The following MGP variants were observed in gnomAD, a reference collection of about 807,000 sequenced individuals.
MGP encodes matrix Gla protein, also known as cell growth-inhibiting gene 36 protein.
A neutral mutation model predicts 14.5 loss-of-function variants in MGP; 13 were observed. The observed-to-expected ratio is 0.89, with a 90% CI of 0.58 to 1.42. The LOEUF (loss-of-function observed/expected upper bound fraction) is 1.42. Ranked by LOEUF, MGP falls within the 40% of genes most tolerant of loss-of-function variation. The pLI is 0.00. For missense variants in MGP, 128 were observed against 133.7 expected (o/e 0.96, Z 0.21); for synonymous variants, 44 against 46.3 (o/e 0.95, Z 0.20).
intron 1 of MGP, chr12:14,884,859 G>T (rs992733055): frequency 1.3e-6 from 2 of 1,535,168 alleles, no homozygotes; most frequent in African/African-American, 2.7e-5. Context: ...CGATATCAAA[G>T]CCGAAGTTTT....
chr12:14,882,021 A>AT lies in MGP; in HGVS notation c.*117dup. 1 of 1,317,598 alleles carries AT rather than the reference A, an allele frequency of 7.6e-7. No individual in the cohort carries two copies. The highest frequency in any genetic ancestry group is 1.5e-5 in the African/African-American group (1 of 68,602). The allele number at this position is 1,317,598 out of a possible 1,614,324, so 81.6% of individuals were successfully genotyped here. A position where few individuals can be genotyped will look rare whatever the true frequency, so the allele number is the denominator to read the frequency against. ...AAAAGGGGTGCAGCCAGACAAGAGAATATACAGGAAAGAAGCATTGTATAT... is the reference window on the plus strand; with the variant it reads ...AAAAGGGGTGCAGCCAGACAAGAGAATTATACAGGAAAGAAGCATTGTATAT... On this transcript the variant is annotated 3_prime_UTR_variant, in exon 4 of 4. Transcript: ENST00000539261.
chr12:14,884,821 C>T (rs1393522514), intron 1 of MGP: 9 of 1,533,680 alleles, frequency 5.9e-6, no homozygotes, highest in South Asian at 1.2e-5. Context: ...ACCCTGGGCA[C>T]GATGCCAGTT....
At chr12:14,885,560 CTT>C (rs1027557065) in intron 1 of MGP, among the ~76,000 whole-genome samples, 169 bp downstream of exon 1, 57 of 152,176 alleles carry the variant, frequency 3.7e-4, no homozygotes, top group African/African-American at 1.3e-3. Flanking sequence ...ATAAAAAAGA[CTT>C]AATAGAACAG....
chr12:14,883,100 T>A (rs1490191269), intron 2 of MGP, 53 bp from the exon 3 acceptor site: 5 of 1,324,766 alleles, frequency 3.8e-6, no homozygotes, highest in Admixed American at 1.7e-5. Context: ...GCTGGAAATA[T>A]TTCCGTGAAT....
intron 2 of MGP, chr12:14,883,390 A>C: frequency 2.9e-6 from 1 of 341,884 alleles, no homozygotes; most frequent in Non-Finnish European, 5.7e-6. Flanking sequence ...ATGAAGCATA[A>C]CTAGATTGCC....
In MGP at chr12:14,885,090, A is replaced by G. The variant is rs551409443; in HGVS notation, c.61+641T>C. 7.9e-5 allele frequency among the ~76,000 whole-genome samples: 12 copies of G among 152,378 alleles called. 1 individual carries two copies. In the South Asian group the frequency reaches 2.5e-3, roughly 32 times the overall value. ...AACAATGAAAATATCTAGGTAATTG[A>G]AACAAAAGACTGAAATAAGTAAATA... is the stretch of plus-strand genomic sequence containing the variant. On this transcript the variant is annotated intron_variant, in intron 1 of 3. Coordinates refer to ENST00000539261, the MANE Select transcript of MGP (RefSeq NM_000900.5).
intron 1 of MGP, among the ~76,000 whole-genome samples, chr12:14,884,635 G>A (rs1260055607): frequency 6.6e-6 from 1 of 152,190 alleles, no homozygotes; most frequent in Non-Finnish European, 1.5e-5. Flanking sequence ...TGAGAACAGG[G>A]TCAAAGAGGA....
At chr12:14,885,158 G>A (rs1423702340) in intron 1 of MGP, among the ~76,000 whole-genome samples, 1 of 152,104 alleles carries the variant, frequency 6.6e-6, no homozygotes, top group Non-Finnish European at 1.5e-5. Context: ...AACAAATGCA[G>A]GTATATTTAA....
chr12:14,884,232 G>T lies in MGP; in HGVS notation c.75C>A (p.Ser25Arg), dbSNP rs755306746. The change falls in exon 2 of 4, where the codon AGC (serine) becomes AGA (arginine). Residue 25 changes from serine to arginine, a missense_variant. Transcript: ENST00000539261. Reference protein sequence around the residue: ...VVTLCYESHESMESYELNPFI... With the variant: ...VVTLCYESHERMESYELNPFI... The stretch of plus-strand genomic sequence containing the variant: ...ACTTACTAAGTTCATAAGATTCCAT[G>T]CTTTCATGTGATTCTGAAATTAAAA... 1.9e-5 allele frequency: 27 copies of T among 1,443,932 alleles called. No homozygotes were observed. In the African/African-American group the frequency reaches 3.4e-4, roughly 18 times the overall value. 89.4% of individuals were successfully genotyped at this position (1,443,932 alleles called of 1,614,324 possible). A position where few individuals can be genotyped will look rare whatever the true frequency, so the allele number is the denominator to read the frequency against.
Position 14,881,688 on chromosome 12 carries a change from C to A in MGP, c.*451G>T. Reference sequence around the variant, plus strand: ...ATAGGAAAATCCTGCAAAAAACATACCAGATTCCATTCACGGATTCCAAGG... The same window carrying A: ...ATAGGAAAATCCTGCAAAAAACATAACAGATTCCATTCACGGATTCCAAGG... On this transcript the variant is annotated 3_prime_UTR_variant, in exon 4 of 4. Transcript: ENST00000539261. 1 of 167,052 alleles carries A rather than the reference C, an allele frequency of 6.0e-6. No individual in the cohort carries two copies. The highest frequency in any genetic ancestry group is 5.7e-5 in the Admixed American group (1 of 17,542). The allele number at this position is 167,052 out of a possible 1,614,324, so 10.3% of individuals were successfully genotyped here.
At chr12:14,883,201 GA>G in intron 2 of MGP, 154 bp from the exon 3 acceptor site, 1 of 654,900 alleles carries the variant, frequency 1.5e-6, no homozygotes, top group Non-Finnish European at 2.8e-6. Context: ...GTATAAAGTA[GA>G]TTTCATTAAC....
Position 14,881,907 on chromosome 12 carries a change from G to GA in MGP, c.*231dup. ...TTTACAAGATGAAAGTATCACACCA[G>GA]AAGTTTATTATGGAACAATCACATA... On this transcript the variant is annotated 3_prime_UTR_variant, in exon 4 of 4. Transcript: ENST00000539261. The GA allele has an allele frequency of 1.8e-6, 1 of 549,232 alleles. No homozygotes were observed. Among genetic ancestry groups the GA allele is most frequent in the East Asian group, 3.2e-5 (1 of 31,512 alleles). The allele number at this position is 549,232 out of a possible 1,614,324, so 34.0% of individuals were successfully genotyped here. A position where few individuals can be genotyped will look rare whatever the true frequency, so the allele number is the denominator to read the frequency against.
chr12:14,881,927 C>T lies in MGP; in HGVS notation c.*212G>A, dbSNP rs1391336854. 1 of 585,550 alleles carries T rather than the reference C, an allele frequency of 1.7e-6. No individual in the cohort carries two copies. Among genetic ancestry groups the T allele is most frequent in the African/African-American group, 1.9e-5 (1 of 53,494 alleles). 36.3% of individuals were successfully genotyped at this position (585,550 alleles called of 1,614,324 possible). ...CACCAGAAGTTTATTATGGAACAAT[C>T]ACATATGTTGACTCTCCTTTGACCC... On this transcript the variant is annotated 3_prime_UTR_variant, in exon 4 of 4. Coordinates refer to ENST00000539261, the MANE Select transcript of MGP (RefSeq NM_000900.5).
rs75595597 is a variant in MGP at position 14,883,389 on chromosome 12, A to C, written c.95-342T>G. ...TCTGTCCTGAGGATTTATGAAGCAT[A>C]ACTAGATTGCCGATACATGAACAGT... On this transcript the variant is annotated intron_variant, in intron 2 of 3. Coordinates refer to ENST00000539261, the MANE Select transcript of MGP (RefSeq NM_000900.5). The C allele has an allele frequency of 8.2e-5, 28 of 342,884 alleles. No individual in the cohort carries two copies. In the East Asian group the frequency reaches 1.9e-3, roughly 23 times the overall value. The allele number at this position is 342,884 out of a possible 1,614,324, so 21.2% of individuals were successfully genotyped here. A position where few individuals can be genotyped will look rare whatever the true frequency, so the allele number is the denominator to read the frequency against.
rs1419733041 is a variant in MGP, at chr12:14,882,097, C to A, written c.*42G>T. 2.5e-6 allele frequency: 4 copies of A among 1,612,010 alleles called. No individual in the cohort carries two copies. Among genetic ancestry groups the A allele is most frequent in the Non-Finnish European group, 3.4e-6 (4 of 1,178,388 alleles). ...CTACAGGGGGATACAAAATCAGGTG[C>A]CAGCCTCCAGAAAAAAAGAGATTTT... On this transcript the variant is annotated 3_prime_UTR_variant, in exon 4 of 4. Coordinates refer to ENST00000539261, the MANE Select transcript of MGP (RefSeq NM_000900.5).
chr12:14,883,019 AT>A lies in MGP; in HGVS notation c.122del (p.Asn41IlefsTer80). 1 of 1,612,750 alleles carries A rather than the reference AT, an allele frequency of 6.2e-7. No individual in the cohort carries two copies. On this transcript the variant is annotated frameshift_variant, in exon 3 of 4. Coordinates refer to ENST00000539261, the MANE Select transcript of MGP (RefSeq NM_000900.5). LOFTEE classifies it high-confidence loss of function. Reference protein sequence around the residue: ...LNPFINRRNANTFISPQQRWR... With the variant: ...LNPFINRRNAXTFISPQQRWR... ...ATCTCTGCTGAGGGGATATGAAGGT[AT>A]TTGCATTTCTCCTGTTAATGAAGGG...
Position 14,883,267 on chromosome 12 carries a change from T to A in MGP, c.95-220A>T, listed in dbSNP as rs562260114. The A allele has an allele frequency of 7.9e-5, 40 of 505,462 alleles. No individual in the cohort carries two copies. The Middle Eastern group carries it at 3.3e-3, about 42-fold the overall frequency. 31.3% of individuals were successfully genotyped at this position (505,462 alleles called of 1,614,324 possible). A position where few individuals can be genotyped will look rare whatever the true frequency, so the allele number is the denominator to read the frequency against. On this transcript the variant is annotated intron_variant, in intron 2 of 3. Coordinates refer to ENST00000539261, the MANE Select transcript of MGP (RefSeq NM_000900.5). ...CCATGTGTCTTAGAGACTTGTCATA[T>A]AGGCTTTGTTGGTTTTGAGTTTGGA...
intron 2 of MGP, 198 bp downstream of exon 2, chr12:14,884,015 A>G: frequency 2.2e-6 from 1 of 451,046 alleles, no homozygotes; most frequent in South Asian, 2.9e-5. Context: ...CTTAAATCCC[A>G]TATTGCACTA....
At chr12:14,884,062 A>G (rs1863412067) in intron 2 of MGP, 151 bp downstream of exon 2, 7 of 605,226 alleles carry the variant, frequency 1.2e-5, no homozygotes, top group Non-Finnish European at 1.9e-5. Flanking sequence ...GGCAATTTTT[A>G]TAGTCATTAG....
Sources: allele counts gnomAD v4.1 joint callset (sites outside exome capture counted in the v4.1 genomes callset), GRCh38; gene constraint gnomAD v4.1.1; transcripts MANE v1.5; gene names NCBI Gene and HGNC (gene_info 2026-07-23, HGNC 2026-07-21).